The following CDH3 variants were observed in gnomAD, a reference collection of about 807,000 sequenced individuals.
CDH3 encodes cadherin 3.
In CDH3, 54 loss-of-function variants were observed where a neutral mutation model predicts 82.0. That is an observed-to-expected ratio of 0.66 (90% CI 0.53 to 0.83). The LOEUF (loss-of-function observed/expected upper bound fraction) is 0.83, where lower values mean the gene tolerates loss of function less well. Among genes scored for constraint, CDH3 ranks in the 40% least tolerant of loss-of-function variants. The pLI is 0.00. For missense variants in CDH3, 1,054 were observed against 1,084.6 expected, an observed-to-expected ratio of 0.97 and a Z score of 0.40; for synonymous variants, 446 against 437.9, an observed-to-expected ratio of 1.02 and a Z score of -0.23.
chr16:68,651,690 G>A (rs1387516939), intron 2 of CDH3: 4 of 513,068 alleles, frequency 7.8e-6, no homozygotes, highest in African/African-American at 3.9e-5. Flanking sequence ...GATGAAGTTG[G>A]AGAGGTTTTC....
intron 1 of CDH3, among the ~76,000 whole-genome samples, chr16:68,705,701 C>T (rs535153844): frequency 2.6e-5 from 4 of 151,192 alleles, no homozygotes; most frequent in Non-Finnish European, 4.4e-5. Flanking sequence ...GGATTACAGG[C>T]GTGAGCCGCC....
chr16:68,696,612 G>A (rs35789195), intron 15 of CDH3: 2,801 of 161,694 alleles, frequency 0.017, 40 homozygotes, highest in Middle Eastern at 0.032. Context: ...AGTGAATGCC[G>A]AGAATGAAGT....
intron 1 of CDH3, among the ~76,000 whole-genome samples, chr16:68,718,525 C>T (rs998722226): frequency 1.3e-4 from 20 of 151,604 alleles, no homozygotes; most frequent in African/African-American, 4.8e-4. Context: ...ACTAAAAATA[C>T]AAAAAAATTA....
chr16:68,705,712 G>T (rs1383880230), intron 1 of CDH3, among the ~76,000 whole-genome samples: 6 of 151,124 alleles, frequency 4.0e-5, no homozygotes, highest in African/African-American at 1.5e-4. Context: ...GTGAGCCGCC[G>T]TGCCCAGCCC....
At chr16:68,730,313 G>A (rs1962270353), downstream of CDH3, among the ~76,000 whole-genome samples, 2 of 151,022 alleles carry the variant, frequency 1.3e-5, no homozygotes, top group Admixed American at 6.6e-5. Context: ...GATCACTTGA[G>A]GTCGGGAGTT....
intron 1 of CDH3, among the ~76,000 whole-genome samples, chr16:68,721,381 C>T (rs1488434411): frequency 1.3e-5 from 2 of 152,046 alleles, no homozygotes; most frequent in Middle Eastern, 3.4e-3. Context: ...TTACAGGTGT[C>T]TGCCACCAGG....
chr16:68,684,956 T>C, intron 10 of CDH3, 132 bp downstream of exon 10: 1 of 1,269,268 alleles, frequency 7.9e-7, no homozygotes, highest in South Asian at 1.2e-5. Context: ...GGTTCTCTTC[T>C]TCCTACCCTC....
intron 2 of CDH3, among the ~76,000 whole-genome samples, chr16:68,727,111 G>A (rs1962227722): frequency 6.6e-6 from 1 of 152,218 alleles, no homozygotes; most frequent in African/African-American, 2.4e-5. Context: ...AGGCAGGCAG[G>A]AAAGGTGAAT....
intron 3 of CDH3, among the ~76,000 whole-genome samples, chr16:68,676,969 C>T (rs1003439075): frequency 6.6e-6 from 1 of 152,180 alleles, no homozygotes; most frequent in African/African-American, 2.4e-5. Context: ...TTGTTTGCCT[C>T]CATTTGCCCA....
intron 11 of CDH3, among the ~76,000 whole-genome samples, chr16:68,685,704 C>T (rs3114402): frequency 0.22 from 33,888 of 152,060 alleles, 3,994 homozygotes; most frequent in Admixed American, 0.28. Flanking sequence ...CTACTCCGGA[C>T]GCAGAGGCAG....
At chr16:68,658,639 C>T (rs1960473282) in intron 2 of CDH3, among the ~76,000 whole-genome samples, 1 of 152,148 alleles carries the variant, frequency 6.6e-6, no homozygotes, top group Non-Finnish European at 1.5e-5. Context: ...TGAGCTCTCC[C>T]CACACAAGCC....
chr16:68,672,488 C>G (rs181752048), intron 2 of CDH3, among the ~76,000 whole-genome samples: 1 of 152,308 alleles, frequency 6.6e-6, no homozygotes, highest in Admixed American at 6.5e-5. Context: ...CCTGGTCCTT[C>G]TAGCACTAAG....
intron 11 of CDH3, chr16:68,686,694 C>T: frequency 1.3e-6 from 1 of 767,544 alleles, no homozygotes. Context: ...TGAAATAAGT[C>T]ACTATTGGAA....
intron 2 of CDH3, among the ~76,000 whole-genome samples, chr16:68,661,003 C>A (rs1310862896): frequency 2.0e-5 from 3 of 151,480 alleles, no homozygotes; most frequent in Non-Finnish European, 4.4e-5. Context: ...ACAAATAATT[C>A]ATAATTCCCA....
chr16:68,660,268 A>C (rs1475205417), intron 2 of CDH3, among the ~76,000 whole-genome samples: 2 of 152,250 alleles, frequency 1.3e-5, no homozygotes, highest in Non-Finnish European at 2.9e-5. Context: ...AATAGTTTTC[A>C]TACTAACTTT....
intron 3 of CDH3, 146 bp from the exon 4 acceptor site, chr16:68,677,988 C>T: frequency 1.3e-6 from 1 of 760,640 alleles, no homozygotes; most frequent in South Asian, 1.5e-5. Flanking sequence ...TCTGGAACTC[C>T]TGGGCTCAAG....
At chr16:68,716,139 A>G (rs1442574558) in intron 1 of CDH3, among the ~76,000 whole-genome samples, 1 of 151,566 alleles carries the variant, frequency 6.6e-6, no homozygotes, top group Non-Finnish European at 1.5e-5. Flanking sequence ...GTGGTGGTGC[A>G]TGTCTGTAAT....
chr16:68,681,248 C>T, intron 8 of CDH3, 152 bp downstream of exon 8: 2 of 780,162 alleles, frequency 2.6e-6, no homozygotes, highest in Admixed American at 3.9e-5. Flanking sequence ...CCTCTCTGTG[C>T]CCCATTTCCT....
Position 68,687,811 on chromosome 16 carries a change from C to T in CDH3, c.1795+75C>T. On this transcript the variant is annotated intron_variant, in intron 12 of 15. Transcript: ENST00000264012. ...GCATCTGCCCCACACCAGGATTCTG[C>T]ACACGTTCCTATCCTAGCATCTTGT... The T allele has an allele frequency of 1.4e-5, 14 of 1,007,220 alleles. No individual in the cohort carries two copies. In the South Asian group the frequency reaches 1.6e-4, roughly 11 times the overall value. 62.4% of individuals were successfully genotyped at this position (1,007,220 alleles called of 1,614,324 possible).
Sources: allele counts gnomAD v4.1 joint callset (sites outside exome capture counted in the v4.1 genomes callset), GRCh38; gene constraint gnomAD v4.1.1; transcripts MANE v1.5; gene names NCBI Gene and HGNC (gene_info 2026-07-23, HGNC 2026-07-21).